The following PCDH11X variants were observed in gnomAD, a reference collection of about 807,000 sequenced individuals.
PCDH11X encodes the protein protocadherin 11 X-linked, also known as protocadherin-11 X-linked.
Under a neutral mutation model 53.3 loss-of-function variants are expected in PCDH11X, and 18 were observed. The observed-to-expected ratio is 0.34, with a 90% CI of 0.23 to 0.50. PCDH11X has a LOEUF of 0.50. Ranked by LOEUF, PCDH11X falls within the 20% of genes least tolerant of loss-of-function variation. The probability of loss-of-function intolerance (pLI) is 0.98; values close to 1 mark genes in which losing one functional copy is unlikely to be tolerated. For synonymous variants in PCDH11X, 279 were observed against 393.3 expected, an observed-to-expected ratio of 0.71 and a Z score of 3.44; for missense variants, 570 against 1,032.4, an observed-to-expected ratio of 0.55 and a Z score of 6.14.
At chrX:91,830,043 A>T (rs73630150) in intron 4 of PCDH11X, among the ~76,000 whole-genome samples, 12,320 of 110,395 alleles carry the variant, frequency 0.11, 1,931 homozygotes, top group African/African-American at 0.39. Flanking sequence ...ATGAAGAATG[A>T]GTCTCTTGCT....
At chrX:92,197,895 A>G (rs943403113) in intron 6 of PCDH11X, among the ~76,000 whole-genome samples, 5 of 111,943 alleles carry the variant, frequency 4.5e-5, no homozygotes, top group Non-Finnish European at 9.4e-5. Flanking sequence ...AACCTACTGC[A>G]TTTGAGAAAG....
At chrX:92,104,580 G>T (rs1054235752) in intron 6 of PCDH11X, among the ~76,000 whole-genome samples, 14 of 111,212 alleles carry the variant, frequency 1.3e-4, no homozygotes, top group African/African-American at 4.3e-4. Flanking sequence ...GGGTCAAGCG[G>T]CATTGCAGAA....
intron 9 of PCDH11X, among the ~76,000 whole-genome samples, chrX:92,450,905 A>G (rs2072764841): frequency 1.8e-5 from 2 of 111,534 alleles, no homozygotes; most frequent in African/African-American, 6.5e-5. Context: ...GTGGCATCCT[A>G]GCTGAGGTGA....
At chrX:91,804,242 T>C (rs1413804115) in intron 1 of PCDH11X, among the ~76,000 whole-genome samples, 1 of 111,568 alleles carries the variant, frequency 9.0e-6, no homozygotes, top group Non-Finnish European at 1.9e-5. Context: ...TTAATGGAAA[T>C]TTTTTTTGGT....
intron 4 of PCDH11X, among the ~76,000 whole-genome samples, chrX:91,832,573 A>G (rs201995688): frequency 1.3e-3 from 142 of 105,323 alleles, no homozygotes; most frequent in East Asian, 0.012. Context: ...CAGCACACCA[A>G]CATGGCACAT....
rs185079548 is a variant in PCDH11X at position 92,320,067 on chromosome X, G to A, written c.3144+56924G>A. 3.8e-4 allele frequency among the ~76,000 whole-genome samples: 42 copies of A among 110,887 alleles called. No individual in the cohort carries two copies. In the East Asian group the frequency reaches 0.011, roughly 29 times the overall value. On this transcript the variant is annotated intron_variant, in intron 8 of 10. Coordinates refer to ENST00000682573, the MANE Select transcript of PCDH11X (RefSeq NM_032968.5). Reference sequence around the variant, plus strand: ...AATGCTACCACAGTTAATGGGTTTGGGGTTGATTACCAGAATCCTATATGA... The same window carrying A: ...AATGCTACCACAGTTAATGGGTTTGAGGTTGATTACCAGAATCCTATATGA...
intron 5 of PCDH11X, among the ~76,000 whole-genome samples, chrX:91,841,078 G>A (rs1053099697): frequency 7.2e-5 from 8 of 110,395 alleles, no homozygotes; most frequent in Admixed American, 2.0e-4. Context: ...TAACGACTAT[G>A]AGGTTTCTGA....
At chrX:92,255,665 G>T (rs1410351288) in intron 7 of PCDH11X, among the ~76,000 whole-genome samples, 1 of 110,836 alleles carries the variant, frequency 9.0e-6, no homozygotes, top group Non-Finnish European at 1.9e-5. Flanking sequence ...TAACAGACAG[G>T]ACCCTCAGCT....
At chrX:91,907,809 T>A (rs1195965069) in intron 6 of PCDH11X, among the ~76,000 whole-genome samples, 1 of 110,552 alleles carries the variant, frequency 9.0e-6, no homozygotes, top group Non-Finnish European at 1.9e-5. Context: ...AAAGGCCCCA[T>A]TGTGTGTTGT....
In PCDH11X at chrX:92,412,552, T is replaced by TATAG. The variant is rs1372159068; in HGVS notation, c.3343+24623_3343+24626dup. 5.8e-3 allele frequency among the ~76,000 whole-genome samples: 492 copies of TATAG among 85,531 alleles called. 7 individuals are homozygous for TATAG. Among genetic ancestry groups the TATAG allele is most frequent in the Non-Finnish European group, 7.8e-3 (334 of 43,003 alleles). The allele number at this position is 85,531 out of a possible 115,157, so 74.3% of individuals were successfully genotyped here. A position where few individuals can be genotyped will look rare whatever the true frequency, so the allele number is the denominator to read the frequency against. ...ATATATATATATATATATATATATA[T>TATAG]ATAGATAAAGAGGTAGATAAATATG... is the stretch of plus-strand genomic sequence containing the variant. On this transcript the variant is annotated intron_variant, in intron 9 of 10. Coordinates refer to ENST00000682573, the MANE Select transcript of PCDH11X (RefSeq NM_032968.5).
At chrX:91,932,702 G>GCA in intron 6 of PCDH11X, among the ~76,000 whole-genome samples, 1 of 94,746 alleles carries the variant, frequency 1.1e-5, no homozygotes, top group Non-Finnish European at 2.1e-5. Flanking sequence ...GTGTGTGTGC[G>GCA]CGCGCGCGCG....
chrX:91,854,492 T>C (rs5942084), intron 5 of PCDH11X, among the ~76,000 whole-genome samples: 2,288 of 112,504 alleles, frequency 0.02, 22 homozygotes, highest in Non-Finnish European at 0.033. Context: ...GATATACTTA[T>C]CTCCTTTCTT....
intron 6 of PCDH11X, among the ~76,000 whole-genome samples, chrX:91,916,711 A>T (rs1306501156): frequency 9.1e-6 from 1 of 110,368 alleles, no homozygotes; most frequent in Non-Finnish European, 1.9e-5. Context: ...CCAGGACCAG[A>T]TTCACAGCTG....
At chrX:92,098,876 A>G (rs1161851280) in intron 6 of PCDH11X, among the ~76,000 whole-genome samples, 2 of 109,971 alleles carry the variant, frequency 1.8e-5, no homozygotes, top group African/African-American at 3.3e-5. Flanking sequence ...CGAACTCCCA[A>G]CCTCAGGTGA....
intron 6 of PCDH11X, among the ~76,000 whole-genome samples, chrX:92,165,555 T>C (rs2065719340): frequency 8.9e-6 from 1 of 111,745 alleles, no homozygotes; most frequent in African/African-American, 3.3e-5. Flanking sequence ...ATTCCAGAGG[T>C]CGTTGGCTTT....
intron 1 of PCDH11X, among the ~76,000 whole-genome samples, chrX:91,800,183 G>A (rs1281485161): frequency 2.7e-5 from 3 of 109,399 alleles, no homozygotes; most frequent in Admixed American, 2.0e-4. Context: ...TTCTTCCATT[G>A]AATTTTCACT....
intron 8 of PCDH11X, among the ~76,000 whole-genome samples, chrX:92,266,233 A>T (rs1463391859): frequency 8.9e-6 from 1 of 111,766 alleles, no homozygotes; most frequent in Non-Finnish European, 1.9e-5. Flanking sequence ...CATTTCTTGA[A>T]CTCCTGAACT....
intron 6 of PCDH11X, among the ~76,000 whole-genome samples, chrX:92,036,324 T>C (rs983563072): frequency 5.5e-5 from 6 of 109,587 alleles, no homozygotes; most frequent in African/African-American, 2.0e-4. Flanking sequence ...TGGCTTTGTC[T>C]CCACCAAAAC....
At chrX:92,337,484 T>C (rs2069647278) in intron 8 of PCDH11X, among the ~76,000 whole-genome samples, 1 of 110,588 alleles carries the variant, frequency 9.0e-6, no homozygotes, top group Non-Finnish European at 1.9e-5. Context: ...CAACACTGAA[T>C]GTCCTGGATG....
Sources: gnomAD v4.1 joint callset for allele counts (sites outside exome capture counted in the v4.1 genomes callset) on GRCh38, gnomAD v4.1.1 for gene constraint, MANE v1.5 for transcripts, NCBI Gene and HGNC (gene_info 2026-07-23, HGNC 2026-07-21) for gene names.